ADGRL2: variants seen among roughly 807,000 people sequenced by gnomAD.
The protein encoded by ADGRL2 is adhesion G protein-coupled receptor L2.
A neutral mutation model predicts 157.4 loss-of-function variants in ADGRL2; 44 were observed. The ratio of observed to expected loss-of-function variants is 0.28; its 90% confidence interval spans 0.22 to 0.36. The LOEUF (loss-of-function observed/expected upper bound fraction) is 0.36, where lower values mean the gene tolerates loss of function less well. Among genes scored for constraint, ADGRL2 ranks in the 10% least tolerant of loss-of-function variants. The pLI, the probability that ADGRL2 is intolerant of heterozygous loss-of-function variation, is 1.00. For missense variants in ADGRL2, 1,510 were observed against 1,768.9 expected (o/e 0.85, Z 2.63); for synonymous variants, 585 against 624.7 (o/e 0.94, Z 0.95).
chr1:81,642,525 G>T (rs998382604), intron 3 of ADGRL2, among the ~76,000 whole-genome samples: 3 of 151,118 alleles, frequency 2.0e-5, no homozygotes, highest in Non-Finnish European at 2.9e-5. Context: ...ATCTATTAAA[G>T]AAATTGAATC....
chr1:81,367,648 T>C (rs561228754), intron 1 of ADGRL2, among the ~76,000 whole-genome samples: 1 of 152,044 alleles, frequency 6.6e-6, no homozygotes, highest in African/African-American at 2.4e-5. Context: ...TGCCTCCCGG[T>C]TTCAAGCAAT....
intron 1 of ADGRL2, among the ~76,000 whole-genome samples, chr1:81,358,494 A>G (rs2075910037): frequency 6.6e-6 from 1 of 152,198 alleles, no homozygotes; most frequent in South Asian, 2.1e-4. Context: ...ATCCCAATTC[A>G]AAAACAGATA....
intron 1 of ADGRL2, among the ~76,000 whole-genome samples, chr1:81,330,039 T>G (rs1375261762): frequency 1.3e-5 from 2 of 152,130 alleles, no homozygotes; most frequent in Non-Finnish European, 2.9e-5. Context: ...TGCATTTAAG[T>G]AAATGGCAGT....
At chr1:81,964,523 A>AT (rs1656469145) in intron 11 of ADGRL2, among the ~76,000 whole-genome samples, 1 of 152,148 alleles carries the variant, frequency 6.6e-6, no homozygotes. Flanking sequence ...TGCTCATTAT[A>AT]AATTTGTATT....
At chr1:81,419,537 C>T (rs1018519308) in intron 1 of ADGRL2, among the ~76,000 whole-genome samples, 1 of 152,098 alleles carries the variant, frequency 6.6e-6, no homozygotes, top group Non-Finnish European at 1.5e-5. Context: ...GTCATAGTTG[C>T]CTAATTATAA....
At chr1:81,474,540 C>T (rs1019721372) in intron 2 of ADGRL2, among the ~76,000 whole-genome samples, 10 of 152,158 alleles carry the variant, frequency 6.6e-5, no homozygotes, top group Admixed American at 5.9e-4. Context: ...AAAGCAAGGT[C>T]CATGTCATTC....
At chr1:81,592,395 A>G (rs1030982386) in intron 3 of ADGRL2, among the ~76,000 whole-genome samples, 3 of 152,244 alleles carry the variant, frequency 2.0e-5, no homozygotes, top group African/African-American at 4.8e-5. Context: ...GGTTTGGCCT[A>G]CAGCCATAGT....
chr1:81,308,105 G>T lies in ADGRL2; in HGVS notation c.-302+1596G>T, dbSNP rs570283090. On this transcript the variant is annotated intron_variant, in intron 1 of 24. Transcript: ENST00000370721. ...AAAGGTATATGTTTTATAGCAGTGG[G>T]TAATAAAAGACCTTCACAGTGAGAG... Among the ~76,000 whole-genome samples the T allele has an allele frequency of 1.2e-4, 18 of 152,218 alleles. No individual in the cohort carries two copies. In the South Asian group the frequency reaches 3.7e-3, roughly 32 times the overall value.
chr1:81,433,700 T>C (rs1309964767), intron 1 of ADGRL2, among the ~76,000 whole-genome samples: 1 of 152,236 alleles, frequency 6.6e-6, no homozygotes, highest in Non-Finnish European at 1.5e-5. Context: ...AATTATTCTT[T>C]GCTGCATAAT....
At chr1:81,763,804 C>A (rs2085994512) in intron 2 of ADGRL2, among the ~76,000 whole-genome samples, 1 of 152,010 alleles carries the variant, frequency 6.6e-6, no homozygotes, top group Non-Finnish European at 1.5e-5. Flanking sequence ...GTCAGGAGTT[C>A]GAGATCAGCC....
chr1:81,473,782 GTT>G lies in ADGRL2; in HGVS notation c.-248+28703_-248+28704del, dbSNP rs71675068. On this transcript the variant is annotated intron_variant, in intron 2 of 24. Transcript: ENST00000370721. Reference sequence around the variant, plus strand: ...ATTTCCACTGGGCAAGGGATGTGAGGTTTTTTTTTTTCCCACTTCAAGATAAA... The same window carrying G: ...ATTTCCACTGGGCAAGGGATGTGAGGTTTTTTTTTCCCACTTCAAGATAAA... 6.3e-4 allele frequency among the ~76,000 whole-genome samples: 93 copies of G among 148,604 alleles called. No homozygotes were observed. The East Asian group carries it at 0.017, about 27-fold the overall frequency.
At chr1:81,655,540 A>G (rs2082515565) in intron 3 of ADGRL2, among the ~76,000 whole-genome samples, 1 of 152,178 alleles carries the variant, frequency 6.6e-6, no homozygotes, top group Non-Finnish European at 1.5e-5. Context: ...AGTTAAGTCA[A>G]GTTACTGACC....
intron 1 of ADGRL2, among the ~76,000 whole-genome samples, chr1:81,397,573 C>T (rs2076679081): frequency 6.6e-6 from 1 of 152,078 alleles, no homozygotes; most frequent in South Asian, 2.1e-4. Flanking sequence ...CCCACCTCGG[C>T]CTCCCAAAGT....
At chr1:81,882,116 G>A (rs2094003685) in intron 2 of ADGRL2, among the ~76,000 whole-genome samples, 1 of 152,176 alleles carries the variant, frequency 6.6e-6, no homozygotes, top group African/African-American at 2.4e-5. Context: ...TGGACATAGA[G>A]AAATGATGAT....
At chr1:81,310,488 G>A (rs1659669918) in intron 1 of ADGRL2, among the ~76,000 whole-genome samples, 1 of 152,122 alleles carries the variant, frequency 6.6e-6, no homozygotes, top group South Asian at 2.1e-4. Context: ...TGGGTCAGTA[G>A]CAATTGAGCA....
chr1:81,955,871 A>G lies in ADGRL2; in HGVS notation c.1834-6A>G. The G allele has an allele frequency of 6.4e-7, 1 of 1,559,094 alleles. No individual in the cohort carries two copies. Among genetic ancestry groups the G allele is most frequent in the East Asian group, 2.3e-5 (1 of 42,768 alleles). On this transcript the variant is annotated splice_region_variant and splice_polypyrimidine_tract_variant and intron_variant, in intron 10 of 23. Coordinates refer to ENST00000686636, the MANE Select transcript of ADGRL2 (RefSeq NM_001366006.2). ...AAAACTAATGATAGTTTTCTAATGG[A>G]TACAGGCAATTGTTGACACAGTGGA...
intron 2 of ADGRL2, among the ~76,000 whole-genome samples, chr1:81,571,893 C>T (rs974185111): frequency 1.5e-4 from 23 of 152,172 alleles, no homozygotes; most frequent in African/African-American, 5.3e-4. Flanking sequence ...CTCCGCACCC[C>T]CCAGCCTTTG....
intron 1 of ADGRL2, among the ~76,000 whole-genome samples, chr1:81,752,596 C>G (rs1015669698): frequency 2.0e-5 from 3 of 152,130 alleles, no homozygotes; most frequent in African/African-American, 7.2e-5. Flanking sequence ...GATCACGGCT[C>G]ACTGCAGCCT....
At position 81,968,197 on chromosome 1, in the gene ADGRL2, G is replaced by A. The variant is rs1209408927; in HGVS notation, c.2521G>A (p.Ala841Thr). ...FAILMAHREIAYKDGVHELLL... is the reference protein window; with the variant it reads ...FAILMAHREITYKDGVHELLL... ...AATTCTCATGGCCCACAGGGAAATT[G>A]CAGTAAGTATTTGCACTTCTAATTA... The change falls in exon 14 of 24, where the codon GCA becomes ACA. Residue 841 changes from alanine to threonine, a missense_variant and splice_region_variant. Around this residue, in one of 4 missense-constraint regions of ADGRL2, gnomAD observed 497 missense variants for 627.2 expected, o/e 0.79. Transcript: ENST00000686636. 6.2e-7 allele frequency: 1 copy of A among 1,611,258 alleles called. No homozygotes were observed. Among genetic ancestry groups the A allele is most frequent in the Admixed American group, 1.7e-5 (1 of 59,250 alleles).
Sources: gnomAD v4.1 joint callset for allele counts (sites outside exome capture counted in the v4.1 genomes callset) on GRCh38, gnomAD v4.1.1 for gene constraint, gnomAD v4.1.1 regional missense constraint, MANE v1.5 for transcripts, NCBI Gene and HGNC (gene_info 2026-07-23, HGNC 2026-07-21) for gene names.